Variants in CDKAL1 observed in about 807,000 individuals in gnomAD.
CDKAL1 encodes the protein threonylcarbamoyladenosine tRNA methylthiotransferase.
CDKAL1 carries 32 observed loss-of-function variants against 68.2 expected under a neutral mutation model. The ratio of observed to expected loss-of-function variants is 0.47; its 90% CI spans 0.35 to 0.63. The LOEUF is 0.63. CDKAL1 is among the 30% of genes least tolerant of loss of function. The pLI, the probability that CDKAL1 is intolerant of heterozygous loss-of-function variation, is 0.00. For missense variants in CDKAL1, 606 were observed against 696.7 expected (o/e 0.87, Z 1.47); for synonymous variants, 234 against 244.3 (o/e 0.96, Z 0.39).
intron 11 of CDKAL1, among the ~76,000 whole-genome samples, chr6:21,046,294 A>G (rs1247139410): frequency 6.6e-6 from 1 of 152,234 alleles, no homozygotes; most frequent in Non-Finnish European, 1.5e-5. Context: ...ATTCTGTAAT[A>G]TAGCGGCTTT....
chr6:21,200,020 A>T (rs1205423086), intron 14 of CDKAL1, among the ~76,000 whole-genome samples: 1 of 152,230 alleles, frequency 6.6e-6, no homozygotes, highest in Non-Finnish European at 1.5e-5. Flanking sequence ...TTTTCTAGGA[A>T]TTATTTTTCT....
intron 15 of CDKAL1, among the ~76,000 whole-genome samples, chr6:21,221,114 C>T (rs1433284937): frequency 3.9e-5 from 6 of 151,934 alleles, no homozygotes; most frequent in African/African-American, 1.5e-4. Context: ...TTGCAGTGAG[C>T]CAAGATCACA....
intron 8 of CDKAL1, among the ~76,000 whole-genome samples, chr6:20,845,681 A>G (rs1185587962): frequency 1.3e-5 from 2 of 152,176 alleles, no homozygotes; most frequent in African/African-American, 2.4e-5. Context: ...TCTGAATACT[A>G]TAGTGTGTAT....
At chr6:21,021,035 C>T (rs1349002625) in intron 11 of CDKAL1, among the ~76,000 whole-genome samples, 1 of 152,144 alleles carries the variant, frequency 6.6e-6, no homozygotes, top group Non-Finnish European at 1.5e-5. Flanking sequence ...TCAGGATTTT[C>T]TTCCAAGCAA....
At chr6:20,792,612 A>G (rs1196478402) in intron 8 of CDKAL1, among the ~76,000 whole-genome samples, 2 of 152,182 alleles carry the variant, frequency 1.3e-5, no homozygotes, top group Non-Finnish European at 2.9e-5. Flanking sequence ...TTATGAGAAC[A>G]AGATATGCAA....
chr6:20,946,567 A>G (rs923920436), intron 9 of CDKAL1, among the ~76,000 whole-genome samples: 6 of 147,410 alleles, frequency 4.1e-5, no homozygotes, highest in African/African-American at 1.5e-4. Flanking sequence ...ATTTACTGGG[A>G]TGTAATCCAG....
intron 5 of CDKAL1, among the ~76,000 whole-genome samples, chr6:20,661,893 T>C (rs560692692): frequency 1.1e-4 from 16 of 152,290 alleles, no homozygotes; most frequent in African/African-American, 3.6e-4. Flanking sequence ...TAATTAAATA[T>C]ATGTGTTGGC....
chr6:21,040,576 C>G (rs184830322), intron 11 of CDKAL1, among the ~76,000 whole-genome samples: 1 of 152,172 alleles, frequency 6.6e-6, no homozygotes, highest in African/African-American at 2.4e-5. Flanking sequence ...GATTGAATAG[C>G]TTCACTAAAA....
In CDKAL1 at chr6:20,915,095, A is replaced by G. The variant is rs546703183; in HGVS notation, c.743-40324A>G. ...TAATCCTTAGCTATCCAATATGTAC[A>G]TATCTAAAAGAAATATATAAATTTA... On this transcript the variant is annotated intron_variant, in intron 9 of 15. Coordinates refer to ENST00000274695, the MANE Select transcript of CDKAL1 (RefSeq NM_017774.3). Among the ~76,000 whole-genome samples, 4 of 152,170 alleles carry G rather than the reference A, an allele frequency of 2.6e-5. No individual in the cohort carries two copies. In the East Asian group the frequency reaches 7.7e-4, roughly 29 times the overall value.
intron 4 of CDKAL1, among the ~76,000 whole-genome samples, chr6:20,550,437 C>A (rs932563227): frequency 6.6e-6 from 1 of 151,978 alleles, no homozygotes; most frequent in African/African-American, 2.4e-5. Context: ...ATGCCGGCAT[C>A]TTTTTTTTGA....
At chr6:20,818,486 A>G (rs113752998) in intron 8 of CDKAL1, among the ~76,000 whole-genome samples, 1 of 152,076 alleles carries the variant, frequency 6.6e-6, no homozygotes, top group African/African-American at 2.4e-5. Context: ...TCTGTCTCCT[A>G]TAATTGAAAT....
At chr6:20,691,891 T>A (rs1581392696) in intron 5 of CDKAL1, among the ~76,000 whole-genome samples, 1 of 152,230 alleles carries the variant, frequency 6.6e-6, no homozygotes, top group African/African-American at 2.4e-5. Flanking sequence ...ATTTTATATA[T>A]GTTATGTAAT....
At chr6:20,723,337 A>G (rs1023602093) in intron 5 of CDKAL1, among the ~76,000 whole-genome samples, 3 of 152,218 alleles carry the variant, frequency 2.0e-5, no homozygotes, top group Admixed American at 2.0e-4. Flanking sequence ...CTTTGGGGTC[A>G]TGGGCATCCT....
At chr6:20,999,030 G>A (rs1437009312) in intron 10 of CDKAL1, among the ~76,000 whole-genome samples, 1 of 152,170 alleles carries the variant, frequency 6.6e-6, no homozygotes, top group African/African-American at 2.4e-5. Context: ...GACGGAATTA[G>A]CTGGCTCTTT....
intron 8 of CDKAL1, among the ~76,000 whole-genome samples, chr6:20,791,146 T>G (rs1775882770): frequency 6.6e-6 from 1 of 152,256 alleles, no homozygotes; most frequent in Non-Finnish European, 1.5e-5. Flanking sequence ...GTCTGCCTCC[T>G]GCTGCTATCA....
At chr6:20,853,853 G>A (rs189859359) in intron 9 of CDKAL1, among the ~76,000 whole-genome samples, 6 of 152,286 alleles carry the variant, frequency 3.9e-5, no homozygotes, top group Non-Finnish European at 7.4e-5. Flanking sequence ...GGAGTCTGAG[G>A]AAAAACCCTG....
chr6:21,230,770 C>G (rs1582461948), intron 15 of CDKAL1, 78 bp from the exon 16 acceptor site: 1 of 1,152,756 alleles, frequency 8.7e-7, no homozygotes, highest in East Asian at 2.6e-5. Context: ...CCTTCTGGAA[C>G]CCATTGCTTG....
intron 5 of CDKAL1, among the ~76,000 whole-genome samples, chr6:20,709,285 A>G (rs1451867751): frequency 6.6e-6 from 1 of 152,042 alleles, no homozygotes; most frequent in Non-Finnish European, 1.5e-5. Flanking sequence ...GAGAGATTCT[A>G]TTTGTAATAC....
At chr6:20,603,204 T>G (rs1766181052) in intron 4 of CDKAL1, among the ~76,000 whole-genome samples, 2 of 152,300 alleles carry the variant, frequency 1.3e-5, no homozygotes, top group South Asian at 4.1e-4. Flanking sequence ...TGATAATGAT[T>G]CTTCTTTTGA....
Sources: gnomAD v4.1 joint callset for allele counts (sites outside exome capture counted in the v4.1 genomes callset) on GRCh38, gnomAD v4.1.1 for gene constraint, MANE v1.5 for transcripts, NCBI Gene and HGNC (gene_info 2026-07-23, HGNC 2026-07-21) for gene names.